Variants in BTBD16 observed in about 807,000 individuals in gnomAD.
BTBD16 encodes the protein BTB/POZ domain-containing protein 16.
BTBD16 carries 66 observed loss-of-function variants against 67.4 expected under a neutral mutation model. The observed-to-expected ratio is 0.98, with a 90% confidence interval of 0.80 to 1.20. The LOEUF (loss-of-function observed/expected upper bound fraction) is 1.20. BTBD16 is among the 50% of genes most tolerant of loss of function. The probability of loss-of-function intolerance (pLI) is 0.00; values close to 1 mark genes in which losing one functional copy is unlikely to be tolerated. For synonymous variants in BTBD16, 242 were observed against 236.4 expected (o/e 1.02, Z -0.22); for missense variants, 634 against 616.0 (o/e 1.03, Z -0.31).
chr10:122,328,117 A>T (rs1245594970), intron 10 of BTBD16, among the ~76,000 whole-genome samples: 2 of 152,158 alleles, frequency 1.3e-5, no homozygotes, highest in African/African-American at 4.8e-5. Flanking sequence ...CCTCCATGAC[A>T]TGATGAAAAA....
intron 5 of BTBD16, among the ~76,000 whole-genome samples, chr10:122,287,791 T>C (rs1231344019): frequency 2.0e-5 from 3 of 152,174 alleles, no homozygotes; most frequent in East Asian, 1.9e-4. Flanking sequence ...TTTCCTTCCA[T>C]GGAGACTGGA....
chr10:122,277,423 A>T (rs1259135673), intron 3 of BTBD16, among the ~76,000 whole-genome samples: 2 of 152,096 alleles, frequency 1.3e-5, no homozygotes, highest in Non-Finnish European at 2.9e-5. Flanking sequence ...ACAGAGCTGG[A>T]CCCTTGCCTT....
intron 10 of BTBD16, among the ~76,000 whole-genome samples, chr10:122,310,024 G>A (rs1182216744): frequency 3.3e-5 from 5 of 152,030 alleles, no homozygotes; most frequent in African/African-American, 7.3e-5. Flanking sequence ...CTCCCACCTC[G>A]GCCTCCCAAA....
At chr10:122,295,040 G>A (rs576939415) in intron 7 of BTBD16, among the ~76,000 whole-genome samples, 102 of 152,378 alleles carry the variant, frequency 6.7e-4, no homozygotes, top group African/African-American at 2.3e-3. Flanking sequence ...GCTCCAGGAC[G>A]AAAAGGCCTC....
rs765578906 is a variant in BTBD16, at chr10:122,336,580, T to C, written c.1350T>C (p.Tyr450=). ...TGCGAGCGGCACGCCTGGTGAAGTA[T>C]GAGATCAGAGCAGAGGCCCTGGTTG... ...VSLRAARLVK[Y]EIRAEALVDG... The change falls in exon 15 of 16, where the codon TAT becomes TAC. Residue 450 remains tyrosine (Y), a synonymous_variant. Transcript: ENST00000260723. 2 of 1,613,114 alleles carry C rather than the reference T, an allele frequency of 1.2e-6. No individual in the cohort carries two copies. Among genetic ancestry groups the C allele is most frequent in the Admixed American group, 1.7e-5 (1 of 59,758 alleles).
chr10:122,276,951 C>G lies in BTBD16; in HGVS notation c.167+12C>G. On this transcript the variant is annotated intron_variant, in intron 3 of 15. Transcript: ENST00000260723. Reference sequence around the variant, plus strand: ...AGGAACCCAGACAGGTATGGAGACTCAAAGGTTTGTGGGAGGGAATGGCCC... The same window carrying G: ...AGGAACCCAGACAGGTATGGAGACTGAAAGGTTTGTGGGAGGGAATGGCCC... 2 of 1,609,862 alleles carry G rather than the reference C, an allele frequency of 1.2e-6. No individual in the cohort carries two copies. Among genetic ancestry groups the G allele is most frequent in the African/African-American group, 1.3e-5 (1 of 74,922 alleles).
chr10:122,325,689 T>C (rs980936172), intron 10 of BTBD16, among the ~76,000 whole-genome samples: 8 of 152,046 alleles, frequency 5.3e-5, no homozygotes, highest in Non-Finnish European at 1.0e-4. Flanking sequence ...GATTTTTTTT[T>C]TTTTGAGATG....
chr10:122,304,480 G>A (rs939606676), intron 9 of BTBD16, among the ~76,000 whole-genome samples: 2 of 151,834 alleles, frequency 1.3e-5, no homozygotes, highest in Admixed American at 6.6e-5. Flanking sequence ...ATAACCATCA[G>A]AGGCTACTAG....
chr10:122,335,615 T>C (rs1424403143), intron 14 of BTBD16, among the ~76,000 whole-genome samples: 1 of 152,164 alleles, frequency 6.6e-6, no homozygotes, highest in East Asian at 1.9e-4. Context: ...TTGTTGTGAG[T>C]TTAAATGTGT....
chr10:122,294,730 C>A (rs1007615887), intron 7 of BTBD16, among the ~76,000 whole-genome samples: 3 of 152,244 alleles, frequency 2.0e-5, no homozygotes, highest in Non-Finnish European at 4.4e-5. Context: ...CTTCCCTGAG[C>A]CCAGAGGCGA....
chr10:122,283,106 GA>G (rs895512007), intron 3 of BTBD16, among the ~76,000 whole-genome samples: 6 of 152,194 alleles, frequency 3.9e-5, no homozygotes, highest in African/African-American at 1.4e-4. Flanking sequence ...GAGCAATGGG[GA>G]AACACTGGAG....
rs769034075 is a variant in BTBD16, at chr10:122,336,466, C to T, written c.1264-28C>T. On this transcript the variant is annotated intron_variant, in intron 14 of 15. Coordinates refer to ENST00000260723, the MANE Select transcript of BTBD16 (RefSeq NM_144587.5). ...CTCTGGGCCACCCCGATTGCAGTTCCACCTAAGGTGAATCACTCTCTTTGC... is the reference window on the plus strand; with the variant it reads ...CTCTGGGCCACCCCGATTGCAGTTCTACCTAAGGTGAATCACTCTCTTTGC... The T allele has an allele frequency of 6.4e-6, 10 of 1,569,522 alleles. No individual in the cohort carries two copies. The South Asian group carries it at 1.1e-4, about 17-fold the overall frequency.
rs201161861 is a variant in BTBD16 at position 122,334,985 on chromosome 10, G to A, written c.1263+6G>A. ...CTTATAGTTTTTACATGCAGGTAAG[G>A]ATAGAGTGCATGAAAGTTATGTCTC... On this transcript the variant is annotated splice_donor_region_variant and intron_variant, in intron 14 of 15. Coordinates refer to ENST00000260723, the MANE Select transcript of BTBD16 (RefSeq NM_144587.5). 6 of 1,345,544 alleles carry A rather than the reference G, an allele frequency of 4.5e-6. No homozygotes were observed. In the Admixed American group the frequency reaches 1.2e-4, roughly 27 times the overall value. 83.4% of individuals were successfully genotyped at this position (1,345,544 alleles called of 1,614,324 possible). A position where few individuals can be genotyped will look rare whatever the true frequency, so the allele number is the denominator to read the frequency against.
chr10:122,337,163 A>G (rs1017942164), intron 15 of BTBD16, among the ~76,000 whole-genome samples: 1 of 152,234 alleles, frequency 6.6e-6, no homozygotes, highest in Non-Finnish European at 1.5e-5. Context: ...TCTGACCAGA[A>G]TAAGACTTTG....
rs183348625 is a variant in BTBD16, at chr10:122,329,685, G to A, written c.1003+114G>A. 932 of 833,910 alleles carry A rather than the reference G, an allele frequency of 1.1e-3. 9 individuals carry two copies. Among genetic ancestry groups the A allele is most frequent in the African/African-American group, 0.011 (659 of 59,486 alleles). The allele number at this position is 833,910 out of a possible 1,614,324, so 51.7% of individuals were successfully genotyped here. Reference sequence around the variant, plus strand: ...TGTTTCCAAGGGAATCACCTGAATCGTGGCATTGTCACTTCCAAGCTGTGT... The same window carrying A: ...TGTTTCCAAGGGAATCACCTGAATCATGGCATTGTCACTTCCAAGCTGTGT... On this transcript the variant is annotated intron_variant, in intron 11 of 15. Transcript: ENST00000260723.
chr10:122,330,330 G>A (rs1318643127), intron 11 of BTBD16, among the ~76,000 whole-genome samples: 1 of 151,938 alleles, frequency 6.6e-6, no homozygotes, highest in African/African-American at 2.4e-5. Context: ...GAAAAGTTTG[G>A]GGAAAAAAAT....
At chr10:122,317,443 C>T (rs906647184) in intron 10 of BTBD16, among the ~76,000 whole-genome samples, 3 of 151,942 alleles carry the variant, frequency 2.0e-5, no homozygotes, top group Admixed American at 6.6e-5. Flanking sequence ...GTCAGGAGAT[C>T]GAGACCATCC....
chr10:122,300,283 A>AATATATACAAT (rs985926687), intron 9 of BTBD16, among the ~76,000 whole-genome samples: 1 of 152,132 alleles, frequency 6.6e-6, no homozygotes, highest in African/African-American at 2.4e-5. Flanking sequence ...TAATGCATAG[A>AATATATACAAT]ATATATACAA....
chr10:122,328,926 A>G, intron 10 of BTBD16: 2 of 656,484 alleles, frequency 3.0e-6, no homozygotes, highest in Non-Finnish European at 3.8e-6. Flanking sequence ...TGCTAAAACT[A>G]GTTCCCCACA....
Sources: allele counts gnomAD v4.1 joint callset (sites outside exome capture counted in the v4.1 genomes callset), GRCh38; gene constraint gnomAD v4.1.1; transcripts MANE v1.5; gene names NCBI Gene and HGNC (gene_info 2026-07-23, HGNC 2026-07-21).